Variants in TOB1 observed in about 807,000 individuals in gnomAD.
TOB1 encodes the protein transducer of ERBB2, 1.
TOB1 carries 2 observed loss-of-function variants against 22.9 expected under a neutral mutation model. That is an observed-to-expected ratio of 0.09 (90% CI 0.04 to 0.28). The LOEUF is 0.28. Ranked by LOEUF, TOB1 falls within the 10% of genes least tolerant of loss-of-function variation. The pLI is 1.00. For synonymous variants in TOB1, 154 were observed against 150.6 expected, an observed-to-expected ratio of 1.02 and a Z score of -0.17; for missense variants, 299 against 420.5, an observed-to-expected ratio of 0.71 and a Z score of 2.53.
In TOB1 at chr17:50,862,594, T is replaced by C. The variant is rs1391049934; in HGVS notation, c.*386A>G. 6.3e-6 allele frequency: 1 copy of C among 159,790 alleles called. No individual in the cohort carries two copies. Among genetic ancestry groups the C allele is most frequent in the Non-Finnish European group, 1.4e-5 (1 of 73,302 alleles). 9.9% of individuals were successfully genotyped at this position (159,790 alleles called of 1,614,324 possible). A position where few individuals can be genotyped will look rare whatever the true frequency, so the allele number is the denominator to read the frequency against. ...GATCACTGTAGTAAAAAGATATAAA[T>C]GCAATACCATGTCGTAGAAACAATA... On this transcript the variant is annotated 3_prime_UTR_variant, in exon 2 of 2. Coordinates refer to ENST00000499247, the MANE Select transcript of TOB1 (RefSeq NM_005749.4).
chr17:50,866,824 G>C (rs1972319276), upstream of TOB1: 1 of 152,470 alleles, frequency 6.6e-6, no homozygotes, highest in Admixed American at 6.5e-5. Flanking sequence ...GGAGCGGCAA[G>C]AGTACCCAGA....
Position 50,862,793 on chromosome 17 carries a change from A to T in TOB1, c.*187T>A. 1.3e-6 allele frequency: 1 copy of T among 746,776 alleles called. No individual in the cohort carries two copies. Among genetic ancestry groups the T allele is most frequent in the Non-Finnish European group, 2.0e-6 (1 of 501,870 alleles). 46.3% of individuals were successfully genotyped at this position (746,776 alleles called of 1,614,324 possible). The stretch of plus-strand genomic sequence containing the variant: ...TCTGAGAGTATACTTTAAAATATAC[A>T]GTCAGTATAAAATAACTTTGTGCTT... On this transcript the variant is annotated 3_prime_UTR_variant, in exon 2 of 2. Coordinates refer to ENST00000499247, the MANE Select transcript of TOB1 (RefSeq NM_005749.4).
rs1972260319 is a variant in TOB1, at chr17:50,864,056, C to CAAAGAAA, written c.-40_-39insTTTCTTT. On this transcript the variant is annotated 5_prime_UTR_variant, in exon 2 of 2. Transcript: ENST00000499247. ...CAAAATTAGGTTTCAACTCCCCCAC[C>CAAAGAAA]AAAAAAAAAAAAAAAAAAAAAAGAT... 4 of 1,042,116 alleles carry CAAAGAAA rather than the reference C, an allele frequency of 3.8e-6. No homozygotes were observed. The highest frequency in any genetic ancestry group is 3.5e-6 in the Non-Finnish European group (3 of 862,264). 64.6% of individuals were successfully genotyped at this position (1,042,116 alleles called of 1,614,324 possible).
intron 1 of TOB1, among the ~76,000 whole-genome samples, chr17:50,864,425 T>C (rs1196201280): frequency 6.6e-6 from 1 of 152,204 alleles, no homozygotes; most frequent in South Asian, 2.1e-4. Context: ...ATAATGCTTT[T>C]AAAAACCTGT....
At position 50,864,056 on chromosome 17, in the gene TOB1, C is replaced by CAAA. The variant is rs71149322; in HGVS notation, c.-42_-40dup. 18,888 of 989,130 alleles carry CAAA rather than the reference C, an allele frequency of 0.019. 249 individuals are homozygous for CAAA. The highest frequency in any genetic ancestry group is 0.034 in the African/African-American group (1,298 of 38,700). 61.3% of individuals were successfully genotyped at this position (989,130 alleles called of 1,614,324 possible). A position where few individuals can be genotyped will look rare whatever the true frequency, so the allele number is the denominator to read the frequency against. On this transcript the variant is annotated 5_prime_UTR_variant, in exon 2 of 2. Coordinates refer to ENST00000499247, the MANE Select transcript of TOB1 (RefSeq NM_005749.4). Reference sequence around the variant, plus strand: ...CAAAATTAGGTTTCAACTCCCCCACCAAAAAAAAAAAAAAAAAAAAAAGAT... The same window carrying CAAA: ...CAAAATTAGGTTTCAACTCCCCCACCAAAAAAAAAAAAAAAAAAAAAAAAAGAT...
upstream of TOB1, chr17:50,866,420 T>C (rs1226645445): frequency 6.7e-6 from 1 of 149,636 alleles, no homozygotes; most frequent in African/African-American, 2.5e-5. Flanking sequence ...TCCGTCGGGG[T>C]GCGCGCGCCC....
chr17:50,865,761 GCGTT>G (rs1972291603), intron 1 of TOB1, among the ~76,000 whole-genome samples: 2 of 152,068 alleles, frequency 1.3e-5, no homozygotes, highest in Non-Finnish European at 2.9e-5. Context: ...TCGAACCCCA[GCGTT>G]CCACCGCGAG....
chr17:50,865,290 G>A (rs558147708), intron 1 of TOB1, among the ~76,000 whole-genome samples: 1 of 152,190 alleles, frequency 6.6e-6, no homozygotes, highest in African/African-American at 2.4e-5. Flanking sequence ...CCTGAGTGCC[G>A]GCAGAGGCAG....
rs1267838261 is a variant in TOB1 at position 50,862,779 on chromosome 17, A to G, written c.*201T>C. 1 of 656,660 alleles carries G rather than the reference A, an allele frequency of 1.5e-6. No individual in the cohort carries two copies. The allele number at this position is 656,660 out of a possible 1,614,324, so 40.7% of individuals were successfully genotyped here. ...TGTAAGAGGCCATATCTGAGAGTAT[A>G]CTTTAAAATATACAGTCAGTATAAA... On this transcript the variant is annotated 3_prime_UTR_variant, in exon 2 of 2. Coordinates refer to ENST00000499247, the MANE Select transcript of TOB1 (RefSeq NM_005749.4).
upstream of TOB1, chr17:50,866,481 C>G (rs1972311422): frequency 6.6e-6 from 1 of 152,348 alleles, no homozygotes; most frequent in African/African-American, 2.4e-5. Flanking sequence ...CGCTCCCCGC[C>G]CGGCACCCCG....
In TOB1 at chr17:50,862,981, T is replaced by C. The variant is rs907261096; in HGVS notation, c.1037A>G (p.Ter346=). The change falls in exon 2 of 2, where the codon TAA becomes TGA. Residue 346 remains the stop codon, a stop_retained_variant. Transcript: ENST00000499247. ...NQQFQPVMAN[*] is the part of the protein sequence containing the mutation. ...CTTGTACGATACATTTTCTTTTTTT[T>C]AGTTAGCCATAACAGGCTGGAATTG... 1.9e-6 allele frequency: 3 copies of C among 1,596,854 alleles called. No individual in the cohort carries two copies. The highest frequency in any genetic ancestry group is 1.4e-5 in the African/African-American group (1 of 73,750).
chr17:50,866,845 T>C (rs1454889984), upstream of TOB1: 1 of 152,224 alleles, frequency 6.6e-6, no homozygotes, highest in Non-Finnish European at 1.5e-5. Flanking sequence ...AAGTGCCCTC[T>C]CCGCGGGGGT....
At position 50,863,702 on chromosome 17, in the gene TOB1, T is replaced by C; in HGVS notation, c.316A>G (p.Lys106Glu). The C allele has an allele frequency of 6.2e-7, 1 of 1,614,142 alleles. No homozygotes were observed. The highest frequency in any genetic ancestry group is 8.5e-7 in the Non-Finnish European group (1 of 1,180,030). The change falls in exon 2 of 2, where the codon AAG (lysine) becomes GAG (glutamate). Residue 106 changes from lysine to glutamate, a missense_variant. Coordinates refer to ENST00000499247, the MANE Select transcript of TOB1 (RefSeq NM_005749.4). ...PFEVSYQIGE[K>E]GPVKVLYVDD... ...ACGTAAAGCACCTTCACTGGTCCCT[T>C]TTCACCAATTTGGTAAGAAACCTCA... is the stretch of plus-strand genomic sequence containing the variant.
chr17:50,867,299 C>G (rs916636541), upstream of TOB1: 2 of 152,288 alleles, frequency 1.3e-5, no homozygotes, highest in African/African-American at 4.8e-5. Flanking sequence ...ACAGAATAAA[C>G]GCGGTGCCTG....
intron 1 of TOB1, among the ~76,000 whole-genome samples, chr17:50,864,925 A>G (rs1472201519): frequency 6.6e-6 from 1 of 152,178 alleles, no homozygotes; most frequent in Non-Finnish European, 1.5e-5. Context: ...ACAAATTAAA[A>G]CTATTGATTA....
chr17:50,863,492 T>C lies in TOB1; in HGVS notation c.526A>G (p.Thr176Ala). 1.2e-6 allele frequency: 2 copies of C among 1,614,046 alleles called. No homozygotes were observed. Among genetic ancestry groups the C allele is most frequent in the African/African-American group, 1.3e-5 (1 of 74,970 alleles). Residue 176 changes from threonine to alanine, a missense_variant, in exon 2 of 2, where the codon ACC becomes GCC. Coordinates refer to ENST00000499247, the MANE Select transcript of TOB1 (RefSeq NM_005749.4). Reference protein sequence around the residue: ...TFMPRSTQPLTFTTATFAATK... With the variant: ...TFMPRSTQPLAFTTATFAATK... Reference sequence around the variant, plus strand: ...GCAGCAAAAGTGGCAGTGGTAAAGGTTAAAGGCTGAGTGGACCGGGGCATG... The same window carrying C: ...GCAGCAAAAGTGGCAGTGGTAAAGGCTAAAGGCTGAGTGGACCGGGGCATG...
At position 50,862,876 on chromosome 17, in the gene TOB1, T is replaced by C; in HGVS notation, c.*104A>G. Reference sequence around the variant, plus strand: ...TATTATTTTTTTAACCAAGCTTGAATGTATCCTTACTATAAGCTTAAAAAA... The same window carrying C: ...TATTATTTTTTTAACCAAGCTTGAACGTATCCTTACTATAAGCTTAAAAAA... On this transcript the variant is annotated 3_prime_UTR_variant, in exon 2 of 2. Transcript: ENST00000499247. The C allele has an allele frequency of 1.4e-6, 2 of 1,402,814 alleles. No individual in the cohort carries two copies. Among genetic ancestry groups the C allele is most frequent in the Non-Finnish European group, 1.9e-6 (2 of 1,061,590 alleles). The allele number at this position is 1,402,814 out of a possible 1,614,324, so 86.9% of individuals were successfully genotyped here.
rs1445154714 is a variant in TOB1 at position 50,866,314 on chromosome 17, A to T, written c.-403T>A. On this transcript the variant is annotated 5_prime_UTR_variant, in exon 1 of 2. Transcript: ENST00000499247. ...CCGGTGCCCGGCCCAGCGTCCCCGTAGTGCGCCCGCTACACGCCGGGCCAG... is the reference window on the plus strand; with the variant it reads ...CCGGTGCCCGGCCCAGCGTCCCCGTTGTGCGCCCGCTACACGCCGGGCCAG... The T allele has an allele frequency of 1.3e-5, 2 of 152,218 alleles. No homozygotes were observed. The highest frequency in any genetic ancestry group is 2.9e-5 in the Non-Finnish European group (2 of 68,116). 9.4% of individuals were successfully genotyped at this position (152,218 alleles called of 1,614,324 possible). A position where few individuals can be genotyped will look rare whatever the true frequency, so the allele number is the denominator to read the frequency against.
In TOB1 at chr17:50,862,444, C is replaced by T. The variant is rs753074830; in HGVS notation, c.*536G>A. The T allele has an allele frequency of 3.9e-5, 6 of 152,016 alleles. No homozygotes were observed. The highest frequency in any genetic ancestry group is 2.1e-4 in the South Asian group (1 of 4,794). The allele number at this position is 152,016 out of a possible 1,614,324, so 9.4% of individuals were successfully genotyped here. On this transcript the variant is annotated 3_prime_UTR_variant, in exon 2 of 2. Coordinates refer to ENST00000499247, the MANE Select transcript of TOB1 (RefSeq NM_005749.4). ...ACATTTTTTTGAAAAAGCAAGTATT[C>T]GTACATTTTAATTCCACCACTAAAG... is the stretch of plus-strand genomic sequence containing the variant.
Sources: gnomAD v4.1 joint callset for allele counts (sites outside exome capture counted in the v4.1 genomes callset) on GRCh38, gnomAD v4.1.1 for gene constraint, MANE v1.5 for transcripts, NCBI Gene and HGNC (gene_info 2026-07-23, HGNC 2026-07-21) for gene names.